The following TLR6 variants were observed in gnomAD, a reference collection of about 807,000 sequenced individuals.
The protein encoded by TLR6 is toll like receptor 6, also known as toll-like receptor 6.
Under a neutral mutation model 16.1 loss-of-function variants are expected in TLR6, and 9 were observed. That is an observed-to-expected ratio of 0.56 (90% confidence interval 0.34 to 0.98). The LOEUF (loss-of-function observed/expected upper bound fraction) is 0.98, where lower values mean the gene tolerates loss of function less well. TLR6 is among the 50% of genes least tolerant of loss of function. The pLI, the probability that TLR6 is intolerant of heterozygous loss-of-function variation, is 0.02. For missense variants in TLR6, 786 were observed against 921.0 expected (o/e 0.85, Z 1.90); for synonymous variants, 340 against 338.6 (o/e 1.00, Z -0.04).
chr4:38,864,572 T>C, the TLR6 span, among the ~76,000 whole-genome samples: 1 of 152,258 alleles, frequency 6.6e-6, no homozygotes, highest in Non-Finnish European at 1.5e-5. Context: ...ATGAATGTGC[T>C]AGAGCTACAT....
chr4:38,836,309 A>G (rs1711912563), intron 1 of TLR6, among the ~76,000 whole-genome samples: 1 of 152,178 alleles, frequency 6.6e-6, no homozygotes, highest in Admixed American at 6.5e-5. Context: ...TACAACTGAT[A>G]CCACAGAAAT....
chr4:38,839,416 G>A (rs1712136864), intron 1 of TLR6, among the ~76,000 whole-genome samples: 1 of 152,068 alleles, frequency 6.6e-6, no homozygotes, highest in Admixed American at 6.5e-5. Flanking sequence ...TCAAAAAATA[G>A]TTATTCTCTT....
intron 1 of TLR6, among the ~76,000 whole-genome samples, chr4:38,854,906 G>A (rs899326632): frequency 6.6e-6 from 1 of 152,118 alleles, no homozygotes; most frequent in African/African-American, 2.4e-5. Flanking sequence ...AATGTTAAAT[G>A]AATACAGTAA....
At chr4:38,835,363 A>C (rs897063747) in intron 1 of TLR6, among the ~76,000 whole-genome samples, 2 of 152,234 alleles carry the variant, frequency 1.3e-5, no homozygotes, top group African/African-American at 2.4e-5. Context: ...AAACTATTAA[A>C]AAAGACAAAA....
intron 1 of TLR6, among the ~76,000 whole-genome samples, chr4:38,851,711 C>CTCCTTG (rs1712781313): frequency 6.6e-6 from 1 of 152,160 alleles, no homozygotes; most frequent in Non-Finnish European, 1.5e-5. Flanking sequence ...AGGAGAACTA[C>CTCCTTG]AAACCACTGC....
the TLR6 span, among the ~76,000 whole-genome samples, chr4:38,865,437 A>G: frequency 6.6e-6 from 1 of 152,196 alleles, no homozygotes; most frequent in Non-Finnish European, 1.5e-5. Flanking sequence ...TATTTTCTTT[A>G]TTGGATAGGT....
intron 1 of TLR6, among the ~76,000 whole-genome samples, chr4:38,854,989 C>T (rs1314756974): frequency 6.6e-6 from 1 of 152,084 alleles, no homozygotes; most frequent in African/African-American, 2.4e-5. Flanking sequence ...GCGGGTGGAT[C>T]ACGAGGTCAG....
chr4:38,836,932 T>A (rs1711955202), intron 1 of TLR6, among the ~76,000 whole-genome samples: 1 of 141,010 alleles, frequency 7.1e-6, no homozygotes, highest in African/African-American at 2.7e-5. Flanking sequence ...AGAGTGAGAC[T>A]CAGTCTCAAA....
chr4:38,826,915 G>A, exon 2 of TLR6: 1 of 584,630 alleles, frequency 1.7e-6, no homozygotes, highest in South Asian at 2.6e-5. Context: ...TAACTGGCAG[G>A]CTAACCTCAC....
chr4:38,845,521 T>C (rs1208323491), intron 1 of TLR6, among the ~76,000 whole-genome samples: 1 of 152,170 alleles, frequency 6.6e-6, no homozygotes, highest in Non-Finnish European at 1.5e-5. Flanking sequence ...GTCAGGGTGA[T>C]GTGATATGAG....
chr4:38,833,589 A>T (rs778379665), intron 1 of TLR6, among the ~76,000 whole-genome samples: 25 of 152,248 alleles, frequency 1.6e-4, no homozygotes, highest in Non-Finnish European at 3.2e-4. Flanking sequence ...TGGAAGCAGC[A>T]GCTATTACAT....
chr4:38,851,725 A>T (rs112768369), intron 1 of TLR6, among the ~76,000 whole-genome samples: 1 of 152,224 alleles, frequency 6.6e-6, no homozygotes, highest in Non-Finnish European at 1.5e-5. Context: ...CCACTGCTCA[A>T]TGAAATAAAA....
chr4:38,824,017 C>T (rs980053150), exon 2 of TLR6: 5 of 152,450 alleles, frequency 3.3e-5, no homozygotes, highest in Admixed American at 1.3e-4. Flanking sequence ...GCGCCCGGGC[C>T]GCCCAGGCAC....
chr4:38,850,182 G>A (rs933093467), intron 1 of TLR6, among the ~76,000 whole-genome samples: 4 of 152,126 alleles, frequency 2.6e-5, no homozygotes, highest in African/African-American at 7.2e-5. Context: ...TGAAACCAGC[G>A]AGGACAAAGA....
chr4:38,846,114 A>G (rs1014777792), intron 1 of TLR6, among the ~76,000 whole-genome samples: 5 of 151,808 alleles, frequency 3.3e-5, no homozygotes, highest in Non-Finnish European at 5.9e-5. Context: ...AAAAGAAAAG[A>G]AAAGAAAATT....
chr4:38,829,480 G>T (rs770623937), exon 2 of TLR6: 2 of 1,574,794 alleles, frequency 1.3e-6, no homozygotes, highest in African/African-American at 1.4e-5. Context: ...TCATGATGTT[G>T]CAGTGGCTAT....
intron 1 of TLR6, among the ~76,000 whole-genome samples, chr4:38,852,402 C>T (rs1712804281): frequency 6.6e-6 from 1 of 152,148 alleles, no homozygotes; most frequent in Non-Finnish European, 1.5e-5. Context: ...AACTAAAGAG[C>T]TTCTGCACAG....
the TLR6 span, among the ~76,000 whole-genome samples, chr4:38,865,901 G>A: frequency 3.3e-5 from 5 of 152,240 alleles, no homozygotes; most frequent in African/African-American, 1.2e-4. Flanking sequence ...CACTTTGGGA[G>A]GCCGAGGTGG....
At chr4:38,856,707 A>C (rs1387192156) in intron 1 of TLR6, 54 bp downstream of exon 1, 1 of 152,256 alleles carries the variant, frequency 6.6e-6, no homozygotes, top group African/African-American at 2.4e-5. Flanking sequence ...AAACTTGCTT[A>C]CTTGAAGCAC....
Sources: allele counts gnomAD v4.1 joint callset (sites outside exome capture counted in the v4.1 genomes callset), GRCh38; gene constraint gnomAD v4.1.1; transcripts MANE v1.5; gene names NCBI Gene and HGNC (gene_info 2026-07-23, HGNC 2026-07-21).